The following TEC variants were observed in gnomAD, a reference collection of about 807,000 sequenced individuals.
TEC encodes the protein tyrosine-protein kinase Tec.
TEC carries 72 observed loss-of-function variants against 93.0 expected under a neutral mutation model. The ratio of observed to expected loss-of-function variants is 0.77; its 90% CI spans 0.64 to 0.94. The LOEUF is 0.94. TEC is among the 40% of genes least tolerant of loss of function. The pLI, the probability that TEC is intolerant of heterozygous loss-of-function variation, is 0.00. For missense variants in TEC, 630 were observed against 757.9 expected, an observed-to-expected ratio of 0.83 and a Z score of 1.98; for synonymous variants, 249 against 247.7, an observed-to-expected ratio of 1.01 and a Z score of -0.05.
intron 1 of TEC, among the ~76,000 whole-genome samples, chr4:48,267,033 T>C (rs1724656882): frequency 1.3e-5 from 2 of 152,140 alleles, no homozygotes; most frequent in South Asian, 4.1e-4. Flanking sequence ...ATGCTTAAAA[T>C]TGAAAAATCA....
At chr4:48,247,784 T>C (rs1364849212) in intron 1 of TEC, among the ~76,000 whole-genome samples, 1 of 152,242 alleles carries the variant, frequency 6.6e-6, no homozygotes, top group Non-Finnish European at 1.5e-5. Flanking sequence ...ATAGTGGCGA[T>C]GACGCATAGC....
At chr4:48,174,359 A>C (rs1405954120) in intron 3 of TEC, among the ~76,000 whole-genome samples, 1 of 152,138 alleles carries the variant, frequency 6.6e-6, no homozygotes, top group Non-Finnish European at 1.5e-5. Flanking sequence ...TCTAATAGCC[A>C]TCAAAGCTGT....
In TEC at chr4:48,141,427, A is replaced by G. The variant is rs750732052; in HGVS notation, c.1471-8T>C. The G allele has an allele frequency of 6.2e-7, 1 of 1,613,444 alleles. No individual in the cohort carries two copies. Among genetic ancestry groups the G allele is most frequent in the East Asian group, 2.2e-5 (1 of 44,818 alleles). ...TAGACAATTTCTGGCAGCCTGGAAA[A>G]CAACATTATGATGGTATATTAGTTT... On this transcript the variant is annotated splice_region_variant and splice_polypyrimidine_tract_variant and intron_variant, in intron 14 of 17. Transcript: ENST00000381501.
At chr4:48,200,540 C>CT (rs1722468237) in intron 2 of TEC, among the ~76,000 whole-genome samples, 1 of 152,196 alleles carries the variant, frequency 6.6e-6, no homozygotes, top group African/African-American at 2.4e-5. Context: ...TGCTAGCTGT[C>CT]TGCTTATGAC....
intron 1 of TEC, among the ~76,000 whole-genome samples, chr4:48,232,148 G>T (rs1217648010): frequency 6.6e-6 from 1 of 152,030 alleles, no homozygotes; most frequent in African/African-American, 2.4e-5. Context: ...AACTAGCTGG[G>T]TGAGGTGGCG....
chr4:48,182,390 T>C (rs951323476), intron 2 of TEC, among the ~76,000 whole-genome samples: 4 of 152,170 alleles, frequency 2.6e-5, no homozygotes, highest in Non-Finnish European at 5.9e-5. Context: ...CTTACTAGAC[T>C]GAAAATCATG....
chr4:48,258,149 T>TTC (rs1553896370), intron 1 of TEC, among the ~76,000 whole-genome samples: 1 of 151,006 alleles, frequency 6.6e-6, no homozygotes, highest in Non-Finnish European at 1.5e-5. Context: ...TTTTTGGTTT[T>TTC]TTTTTTTTTT....
chr4:48,186,964 G>T (rs1176015775), intron 2 of TEC, among the ~76,000 whole-genome samples: 4 of 152,280 alleles, frequency 2.6e-5, no homozygotes, highest in Admixed American at 2.6e-4. Context: ...GGGCCATGAT[G>T]ACAATGGCGT....
intron 2 of TEC, among the ~76,000 whole-genome samples, chr4:48,207,683 G>A (rs1722760205): frequency 6.6e-6 from 1 of 151,838 alleles, no homozygotes; most frequent in Non-Finnish European, 1.5e-5. Context: ...AGCTACTTAG[G>A]AGGCTGAGGT....
intron 1 of TEC, among the ~76,000 whole-genome samples, chr4:48,231,391 G>T (rs931067395): frequency 6.6e-6 from 1 of 152,160 alleles, no homozygotes; most frequent in African/African-American, 2.4e-5. Context: ...CTGTCAGAAT[G>T]CAAATACCAT....
chr4:48,145,282 G>C lies in TEC; in HGVS notation c.1267C>G (p.Pro423Ala). Residue 423 changes from proline to alanine, a missense_variant, in exon 14 of 18, where the codon CCG (proline) becomes GCG (alanine). This residue lies in a region of TEC where 289 missense variants were observed against 390.0 expected (regional missense o/e 0.74). Transcript: ENST00000381501. ...EAKVMMKLTH[P>A]KLVQLYGVCT... The stretch of plus-strand genomic sequence containing the variant: ...ACACCATAAAGCTGCACTAACTTCG[G>C]GTGTGTCAGTTTCCTGGGAAGGAAG... 6.2e-7 allele frequency: 1 copy of C among 1,614,064 alleles called. No individual in the cohort carries two copies. The highest frequency in any genetic ancestry group is 2.2e-5 in the East Asian group (1 of 44,876).
chr4:48,161,143 C>G (rs1720640414), intron 8 of TEC, among the ~76,000 whole-genome samples: 1 of 152,022 alleles, frequency 6.6e-6, no homozygotes, highest in African/African-American at 2.4e-5. Flanking sequence ...AGGTCAGACC[C>G]TTGCCAAGCT....
chr4:48,172,010 T>G (rs1490416242), intron 3 of TEC, among the ~76,000 whole-genome samples: 1 of 152,212 alleles, frequency 6.6e-6, no homozygotes, highest in African/African-American at 2.4e-5. Context: ...ATACCACTCA[T>G]GCACCATGCA....
At chr4:48,269,291 C>T (rs1049626666) in intron 1 of TEC, among the ~76,000 whole-genome samples, 2 of 152,226 alleles carry the variant, frequency 1.3e-5, no homozygotes, top group African/African-American at 4.8e-5. Context: ...CACCCATTAA[C>T]TTGTCATTTA....
intron 7 of TEC, among the ~76,000 whole-genome samples, chr4:48,167,521 A>C (rs1005609313): frequency 6.6e-6 from 1 of 152,242 alleles, no homozygotes; most frequent in Admixed American, 6.5e-5. Flanking sequence ...TCAAGGTCAA[A>C]ATAATCACAT....
intron 7 of TEC, among the ~76,000 whole-genome samples, chr4:48,165,354 T>C (rs1003970517): frequency 5.9e-5 from 9 of 152,330 alleles, no homozygotes; most frequent in African/African-American, 2.2e-4. Context: ...TTCCTTTCCT[T>C]CATGAACTAA....
Position 48,223,409 on chromosome 4 carries a change from T to C in TEC, c.138+5068A>G, listed in dbSNP as rs542574801. Among the ~76,000 whole-genome samples, 13 of 152,320 alleles carry C rather than the reference T, an allele frequency of 8.5e-5. No individual in the cohort carries two copies. In the South Asian group the frequency reaches 1.0e-3, roughly 12 times the overall value. ...TGGAATATCAAGATTATTTCAAAGA[T>C]AGGCTTTGAAGAAATATACCTGCAA... is the stretch of plus-strand genomic sequence containing the variant. On this transcript the variant is annotated intron_variant, in intron 2 of 17. Coordinates refer to ENST00000381501, the MANE Select transcript of TEC (RefSeq NM_003215.3).
chr4:48,239,868 T>C (rs1560422060), intron 1 of TEC, among the ~76,000 whole-genome samples: 1 of 152,156 alleles, frequency 6.6e-6, no homozygotes, highest in Non-Finnish European at 1.5e-5. Context: ...TTATGGCAAC[T>C]TGAATACTAA....
intron 8 of TEC, among the ~76,000 whole-genome samples, chr4:48,160,774 G>GAAAGAAAAGAAAA (rs1720608307): frequency 7.2e-6 from 1 of 138,124 alleles, no homozygotes; most frequent in Non-Finnish European, 1.6e-5. Context: ...AAGAAAAAAA[G>GAAAGAAAAGAAAA]AAAGAAAGAA....
Sources: gnomAD v4.1 joint callset for allele counts (sites outside exome capture counted in the v4.1 genomes callset) on GRCh38, gnomAD v4.1.1 for gene constraint, gnomAD v4.1.1 regional missense constraint, MANE v1.5 for transcripts, NCBI Gene and HGNC (gene_info 2026-07-23, HGNC 2026-07-21) for gene names.